PLXDC2: variants seen among roughly 807,000 people sequenced by gnomAD.
PLXDC2 encodes the protein plexin domain containing 2.
In PLXDC2, 40 loss-of-function variants were observed where a neutral mutation model predicts 68.9. The observed-to-expected ratio is 0.58, with a 90% CI of 0.45 to 0.76. The LOEUF is 0.76. Among genes scored for constraint, PLXDC2 ranks in the 30% least tolerant of loss-of-function variants. The pLI, the probability that PLXDC2 is intolerant of heterozygous loss-of-function variation, is 0.00. For missense variants in PLXDC2, 644 were observed against 661.9 expected (o/e 0.97, Z 0.30); for synonymous variants, 243 against 234.2 (o/e 1.04, Z -0.34).
chr10:20,211,990 G>A (rs1835076014), intron 10 of PLXDC2, among the ~76,000 whole-genome samples: 1 of 151,964 alleles, frequency 6.6e-6, no homozygotes, highest in African/African-American at 2.4e-5. Flanking sequence ...CTATTTATAT[G>A]TATTATCTCA....
At chr10:19,997,586 A>T (rs1267183622) in intron 1 of PLXDC2, among the ~76,000 whole-genome samples, 1 of 152,212 alleles carries the variant, frequency 6.6e-6, no homozygotes, top group Non-Finnish European at 1.5e-5. Context: ...TCAGCAAATA[A>T]CTATTAATTA....
At chr10:19,885,943 G>T (rs1464254402) in intron 1 of PLXDC2, among the ~76,000 whole-genome samples, 1 of 151,804 alleles carries the variant, frequency 6.6e-6, no homozygotes, top group Admixed American at 6.6e-5. Context: ...ATTACCTTGG[G>T]CAGTATGGCC....
intron 9 of PLXDC2, among the ~76,000 whole-genome samples, chr10:20,180,282 A>T (rs1337295780): frequency 6.6e-6 from 1 of 152,070 alleles, no homozygotes; most frequent in East Asian, 1.9e-4. Flanking sequence ...TTGAATACCG[A>T]ACACTTACTT....
intron 1 of PLXDC2, among the ~76,000 whole-genome samples, chr10:19,934,284 G>T: frequency 6.6e-6 from 1 of 152,162 alleles, no homozygotes; most frequent in East Asian, 1.9e-4. Context: ...TCTTGAGAAA[G>T]AAATGATAAG....
chr10:19,840,630 GCCA>G (rs1836886637), intron 1 of PLXDC2, among the ~76,000 whole-genome samples: 1 of 152,016 alleles, frequency 6.6e-6, no homozygotes, highest in African/African-American at 2.4e-5. Flanking sequence ...CATGCCTTCA[GCCA>G]CAATGTATAC....
chr10:20,234,556 C>T (rs1387930612), intron 12 of PLXDC2, among the ~76,000 whole-genome samples: 1 of 151,728 alleles, frequency 6.6e-6, no homozygotes, highest in African/African-American at 2.4e-5. Context: ...ATTTTGTTTT[C>T]TTTCTGTCCT....
At chr10:19,854,770 A>G (rs1283600291) in intron 1 of PLXDC2, among the ~76,000 whole-genome samples, 1 of 152,150 alleles carries the variant, frequency 6.6e-6, no homozygotes, top group East Asian at 1.9e-4. Flanking sequence ...ACTCCAGGGG[A>G]GGTGTTGGAG....
chr10:19,886,536 T>C (rs768796279), intron 1 of PLXDC2, among the ~76,000 whole-genome samples: 17 of 152,170 alleles, frequency 1.1e-4, no homozygotes, highest in Non-Finnish European at 2.4e-4. Flanking sequence ...ACATGATTTT[T>C]TCAATAGATG....
intron 2 of PLXDC2, 128 bp downstream of exon 2, chr10:20,002,114 A>G (rs1162835563): frequency 5.5e-6 from 5 of 906,740 alleles, no homozygotes; most frequent in East Asian, 2.6e-5. Flanking sequence ...TTAAAGAACA[A>G]TTTAATTCGT....
intron 4 of PLXDC2, among the ~76,000 whole-genome samples, chr10:20,118,617 C>CT (rs750305138): frequency 1.4e-4 from 21 of 151,994 alleles, no homozygotes; most frequent in African/African-American, 5.1e-4. Context: ...TCCCAGGAAA[C>CT]TTTTTTCAAG....
intron 1 of PLXDC2, among the ~76,000 whole-genome samples, chr10:19,842,887 T>C (rs989498998): frequency 1.2e-4 from 19 of 152,164 alleles, no homozygotes; most frequent in African/African-American, 4.6e-4. Flanking sequence ...GTTTATATTA[T>C]CTGATATGAT....
chr10:20,245,477 C>T lies in PLXDC2; in HGVS notation c.1445C>T (p.Thr482Ile), dbSNP rs36003977. 9.9e-6 allele frequency: 16 copies of T among 1,612,100 alleles called. No homozygotes were observed. In the African/African-American group the frequency reaches 1.1e-4, roughly 11 times the overall value. ...ACAGTCTATATGTATCACCACCCAA[C>T]ATCAGCAGCCAGCATCTTCTTTATT... ...LVTVYMYHHP[T>I]SAASIFFIER... The change falls in exon 13 of 14, where the codon ACA becomes ATA. Residue 482 changes from threonine (T) to isoleucine (I), a missense_variant. Thr to Ile is a moderately conservative substitution (Grantham distance 89). Around this residue, in one of 3 missense-constraint regions of PLXDC2, gnomAD observed 330 missense variants for 327.9 expected, o/e 1.01. Transcript: ENST00000377252.
intron 2 of PLXDC2, among the ~76,000 whole-genome samples, chr10:20,005,655 G>A (rs993116756): frequency 6.6e-6 from 1 of 152,026 alleles, no homozygotes; most frequent in Non-Finnish European, 1.5e-5. Flanking sequence ...CACATGATGA[G>A]AGCAGGAACA....
intron 4 of PLXDC2, among the ~76,000 whole-genome samples, chr10:20,125,899 C>T (rs1206063079): frequency 6.7e-6 from 1 of 149,598 alleles, no homozygotes; most frequent in Non-Finnish European, 1.5e-5. Flanking sequence ...TGAGCCTTTC[C>T]ACTACATTTT....
intron 13 of PLXDC2, among the ~76,000 whole-genome samples, chr10:20,257,589 T>G (rs982172670): frequency 4.6e-5 from 7 of 152,216 alleles, no homozygotes; most frequent in Admixed American, 1.3e-4. Context: ...GATTTCATGC[T>G]CAGGTTACTG....
intron 2 of PLXDC2, among the ~76,000 whole-genome samples, chr10:20,026,849 T>C (rs1835413864): frequency 6.8e-6 from 1 of 146,900 alleles, no homozygotes; most frequent in Non-Finnish European, 1.5e-5. Context: ...ACTTTTATAA[T>C]ATATTCTAAT....
chr10:19,996,415 C>G (rs1005706566), intron 1 of PLXDC2, among the ~76,000 whole-genome samples: 2 of 152,054 alleles, frequency 1.3e-5, no homozygotes, highest in Non-Finnish European at 2.9e-5. Flanking sequence ...GACCCCATCT[C>G]TACAAAAAAT....
At position 20,285,702 on chromosome 10, in the gene PLXDC2, G is replaced by A. The variant is rs987844139; in HGVS notation, c.*5883G>A. On this transcript the variant is annotated 3_prime_UTR_variant, in exon 14 of 14. Transcript: ENST00000377252. ...GATTTCTCGACCCAATATTTCTATT[G>A]GGTTTTGAATTATTAATATCACTGT... is the stretch of plus-strand genomic sequence containing the variant. 3 of 152,102 alleles carry A rather than the reference G, an allele frequency of 2.0e-5. No individual in the cohort carries two copies. Among genetic ancestry groups the A allele is most frequent in the Admixed American group, 2.0e-4 (3 of 15,274 alleles). The allele number at this position is 152,102 out of a possible 1,614,324, so 9.4% of individuals were successfully genotyped here.
At chr10:19,855,226 T>TTTG (rs57620092) in intron 1 of PLXDC2, among the ~76,000 whole-genome samples, 55,480 of 151,436 alleles carry the variant, frequency 0.37, 11,307 homozygotes, top group African/African-American at 0.56. Context: ...CAAATACGAT[T>TTTG]TTGTTGTTGT....
Sources: gnomAD v4.1 joint callset for allele counts (sites outside exome capture counted in the v4.1 genomes callset) on GRCh38, gnomAD v4.1.1 for gene constraint, gnomAD v4.1.1 regional missense constraint, MANE v1.5 for transcripts, NCBI Gene and HGNC (gene_info 2026-07-23, HGNC 2026-07-21) for gene names.